RAD51B: variants seen among roughly 807,000 people sequenced by gnomAD.
The protein encoded by RAD51B is RAD51 paralog B.
In RAD51B, 38 loss-of-function variants were observed where a neutral mutation model predicts 42.2. The observed-to-expected ratio is 0.90, with a 90% CI of 0.70 to 1.18. RAD51B has a LOEUF of 1.18. Among genes scored for constraint, RAD51B ranks in the 50% most tolerant of loss-of-function variants. RAD51B has a pLI of 0.00. For missense variants in RAD51B, 373 were observed against 400.7 expected, an observed-to-expected ratio of 0.93 and a Z score of 0.59; for synonymous variants, 154 against 145.2, an observed-to-expected ratio of 1.06 and a Z score of -0.43.
chr14:67,845,802 G>A (rs1665951516), intron 4 of RAD51B, among the ~76,000 whole-genome samples: 1 of 152,164 alleles, frequency 6.6e-6, no homozygotes, highest in Admixed American at 6.5e-5. Context: ...TTCGCCTGAT[G>A]GAGTTTCTTT....
chr14:68,592,811 G>T (rs887969636), intron 10 of RAD51B, among the ~76,000 whole-genome samples: 2 of 152,250 alleles, frequency 1.3e-5, no homozygotes, highest in Non-Finnish European at 2.9e-5. Context: ...CGGCAAATGT[G>T]ATTTGAACAG....
intron 8 of RAD51B, among the ~76,000 whole-genome samples, chr14:68,354,503 G>A (rs1409383678): frequency 2.7e-5 from 4 of 148,788 alleles, no homozygotes; most frequent in African/African-American, 7.4e-5. Flanking sequence ...GTGAGCCACC[G>A]CGCCTGGCCC....
chr14:68,045,457 A>T (rs1195513385), intron 7 of RAD51B, among the ~76,000 whole-genome samples: 3 of 152,124 alleles, frequency 2.0e-5, no homozygotes, highest in African/African-American at 7.2e-5. Flanking sequence ...ATGTGAGGGC[A>T]GATCATTTAA....
At chr14:67,826,315 A>C (rs940787929) in intron 3 of RAD51B, among the ~76,000 whole-genome samples, 2 of 152,204 alleles carry the variant, frequency 1.3e-5, no homozygotes, top group Non-Finnish European at 2.9e-5. Flanking sequence ...TTGATTGAAT[A>C]AAAGGTAATT....
chr14:68,301,066 G>A (rs910912480), intron 8 of RAD51B, among the ~76,000 whole-genome samples: 3 of 152,206 alleles, frequency 2.0e-5, no homozygotes, highest in Admixed American at 2.0e-4. Flanking sequence ...CAGTGTATGT[G>A]TGTGTGTTGA....
chr14:68,269,934 T>C (rs1026262498), intron 7 of RAD51B, among the ~76,000 whole-genome samples: 5 of 152,262 alleles, frequency 3.3e-5, no homozygotes, highest in Non-Finnish European at 5.9e-5. Flanking sequence ...TTGACTCACT[T>C]GATCTGAAGC....
At chr14:68,613,431 A>G (rs1891749158), downstream of RAD51B, among the ~76,000 whole-genome samples, 1 of 147,876 alleles carries the variant, frequency 6.8e-6, no homozygotes, top group Non-Finnish European at 1.5e-5. Flanking sequence ...AAAAAAAAAG[A>G]TTGTTAGTGG....
At chr14:68,090,979 G>T (rs1315403606) in intron 7 of RAD51B, among the ~76,000 whole-genome samples, 5 of 150,934 alleles carry the variant, frequency 3.3e-5, no homozygotes, top group South Asian at 4.2e-4. Flanking sequence ...GTGATAGTTT[G>T]CTGAGAATGA....
At chr14:68,399,744 C>T (rs1239799793) in intron 8 of RAD51B, among the ~76,000 whole-genome samples, 1 of 152,182 alleles carries the variant, frequency 6.6e-6, no homozygotes, top group East Asian at 1.9e-4. Flanking sequence ...AAGAACTTCT[C>T]TTACATAACC....
chr14:67,847,326 CTTTT>C (rs60032578), intron 4 of RAD51B, among the ~76,000 whole-genome samples: 23,952 of 105,636 alleles, frequency 0.23, 1,494 homozygotes, highest in African/African-American at 0.32. Flanking sequence ...TTGGTTTGTT[CTTTT>C]TTTTTTTTTT....
chr14:68,159,318 G>T (rs766456134), intron 7 of RAD51B, among the ~76,000 whole-genome samples: 1 of 151,776 alleles, frequency 6.6e-6, no homozygotes, highest in Non-Finnish European at 1.5e-5. Flanking sequence ...CATTTGCAAG[G>T]TTCTTTTAAA....
Position 68,592,277 on chromosome 14 carries a change from G to A in RAD51B, c.1037-2208G>A, listed in dbSNP as rs568132137. 2.0e-5 allele frequency among the ~76,000 whole-genome samples: 3 copies of A among 151,966 alleles called. No individual in the cohort carries two copies. The South Asian group carries it at 6.2e-4, about 32-fold the overall frequency. ...GATGTGTGTGTGTGTGTGTGTGTGT[G>A]TGTGTGTGTATGTGTGTGTATCAAA... On this transcript the variant is annotated intron_variant, in intron 10 of 10. Coordinates refer to the RAD51B transcript ENST00000487270.
intron 10 of RAD51B, among the ~76,000 whole-genome samples, chr14:68,525,074 C>A (rs768494032): frequency 1.3e-5 from 2 of 152,192 alleles, no homozygotes; most frequent in Non-Finnish European, 2.9e-5. Flanking sequence ...AAAGCTTGTC[C>A]TTGGCCAAGC....
chr14:67,992,438 G>T (rs144818827), intron 7 of RAD51B, among the ~76,000 whole-genome samples: 158 of 152,260 alleles, frequency 1.0e-3, no homozygotes, highest in Non-Finnish European at 1.9e-3. Context: ...ATTTTCCAGG[G>T]TGTTGCCAAA....
intron 7 of RAD51B, among the ~76,000 whole-genome samples, chr14:68,224,415 T>C (rs924224075): frequency 1.8e-4 from 27 of 152,170 alleles, no homozygotes; most frequent in African/African-American, 6.5e-4. Flanking sequence ...CACTCATGGA[T>C]TACTTCTGCT....
intron 7 of RAD51B, among the ~76,000 whole-genome samples, chr14:68,241,160 G>C (rs1019466241): frequency 4.6e-5 from 7 of 152,222 alleles, no homozygotes; most frequent in Non-Finnish European, 1.0e-4. Context: ...GCTGCTATAC[G>C]TGGTTGGAAC....
At chr14:68,191,784 T>C (rs1566718040) in intron 7 of RAD51B, among the ~76,000 whole-genome samples, 1 of 152,212 alleles carries the variant, frequency 6.6e-6, no homozygotes, top group Non-Finnish European at 1.5e-5. Flanking sequence ...ATATGTGTCA[T>C]TAATCACTTG....
At chr14:67,962,917 T>A (rs2074699558) in intron 7 of RAD51B, among the ~76,000 whole-genome samples, 1 of 152,154 alleles carries the variant, frequency 6.6e-6, no homozygotes, top group South Asian at 2.1e-4. Flanking sequence ...TTAATCTTAT[T>A]CATAGCAACA....
intron 7 of RAD51B, among the ~76,000 whole-genome samples, chr14:68,176,537 C>G (rs963139255): frequency 6.6e-6 from 1 of 152,152 alleles, no homozygotes; most frequent in East Asian, 1.9e-4. Flanking sequence ...GATGATTTCT[C>G]TATGAGGAAA....
Sources: gnomAD v4.1 joint callset for allele counts (sites outside exome capture counted in the v4.1 genomes callset) on GRCh38, gnomAD v4.1.1 for gene constraint, MANE v1.5 for transcripts, NCBI Gene and HGNC (gene_info 2026-07-23, HGNC 2026-07-21) for gene names.